Variants in PCDHGA6 observed in about 807,000 individuals in gnomAD.
PCDHGA6 encodes protocadherin gamma subfamily A, 6, also known as protocadherin gamma-A6.
In PCDHGA6, 41 loss-of-function variants were observed where a neutral mutation model predicts 60.6. That is an observed-to-expected ratio of 0.68 (90% CI 0.53 to 0.88). PCDHGA6 has a LOEUF of 0.88. PCDHGA6 is among the 40% of genes least tolerant of loss of function. PCDHGA6 has a pLI of 0.00. For synonymous variants in PCDHGA6, 594 were observed against 524.4 expected (o/e 1.13, Z -1.81); for missense variants, 1,312 against 1,203.0 (o/e 1.09, Z -1.34).
intron 1 of PCDHGA6, chr5:141,413,581 A>T: frequency 1.9e-6 from 3 of 1,613,920 alleles, no homozygotes; most frequent in Non-Finnish European, 2.5e-6. Context: ...CAATGCTCCA[A>T]AATTCCAAGC....
chr5:141,464,053 T>C (rs111614367), intron 1 of PCDHGA6, among the ~76,000 whole-genome samples: 9,857 of 152,054 alleles, frequency 0.065, 668 homozygotes, highest in African/African-American at 0.17. Flanking sequence ...TCACCTGAGG[T>C]CAGGAGTTCA....
intron 1 of PCDHGA6, chr5:141,384,588 G>C: frequency 1.2e-6 from 2 of 1,614,242 alleles, no homozygotes; most frequent in Middle Eastern, 1.6e-4. Context: ...CCGAGATCCT[G>C]TACCCGGCCC....
At chr5:141,392,584 C>T (rs1252723609) in intron 1 of PCDHGA6, 1 of 473,072 alleles carries the variant, frequency 2.1e-6, no homozygotes, top group African/African-American at 2.0e-5. Context: ...CTGTAAGCGC[C>T]GCTGTTCACC....
chr5:141,486,284 C>G lies in PCDHGA6; in HGVS notation c.2425-8523C>G, dbSNP rs1259853159. ...TGCAGAACCTGGCACTGTGGTGGCA[C>G]TTATCAGTGTGCAGGATCCAGACTC... On this transcript the variant is annotated intron_variant, in intron 1 of 3. Transcript: ENST00000517434. This position sits in a 1 kb window ranked among gnomAD's most constrained non-coding sequence, Gnocchi z 5.0. The G allele has an allele frequency of 6.2e-7, 1 of 1,614,050 alleles. No homozygotes were observed. The highest frequency in any genetic ancestry group is 8.5e-7 in the Non-Finnish European group (1 of 1,179,988).
rs148995268 is a variant in PCDHGA6, at chr5:141,486,253, C to T, written c.2425-8554C>T. On this transcript the variant is annotated intron_variant, in intron 1 of 3. Coordinates refer to ENST00000517434, the MANE Select transcript of PCDHGA6 (RefSeq NM_018919.3). The surrounding 1 kb of genome is among the most constrained non-coding windows in gnomAD (Gnocchi z 5.0). The stretch of plus-strand genomic sequence containing the variant: ...TGACCTCAGAGCTTGGAACCCTCCC[C>T]GAGAGTGCAGAACCTGGCACTGTGG... 8 of 1,614,020 alleles carry T rather than the reference C, an allele frequency of 5.0e-6. No individual in the cohort carries two copies. The African/African-American group carries it at 8.0e-5, about 16-fold the overall frequency.
In PCDHGA6 at chr5:141,477,155, G is replaced by A. The variant is rs2099406190; in HGVS notation, c.2425-17652G>A. ...GTTGGTGGAGGTTGTGGATGTGAATGACAACGCCCCGGAGATCACAGTCAC... is the reference window on the plus strand; with the variant it reads ...GTTGGTGGAGGTTGTGGATGTGAATAACAACGCCCCGGAGATCACAGTCAC... On this transcript the variant is annotated intron_variant, in intron 1 of 3. Coordinates refer to ENST00000517434, the MANE Select transcript of PCDHGA6 (RefSeq NM_018919.3). The surrounding 1 kb of genome is among the most constrained non-coding windows in gnomAD (Gnocchi z 4.9). The A allele has an allele frequency of 6.2e-7, 1 of 1,614,190 alleles. No individual in the cohort carries two copies. The highest frequency in any genetic ancestry group is 8.5e-7 in the Non-Finnish European group (1 of 1,180,042).
chr5:141,484,532 G>A (rs1421387882), intron 1 of PCDHGA6, among the ~76,000 whole-genome samples: 1 of 152,182 alleles, frequency 6.6e-6, no homozygotes, highest in Non-Finnish European at 1.5e-5. Context: ...TTGAGTATAT[G>A]GCAGTGGTTC....
Position 141,451,147 on chromosome 5 carries a change from A to G in PCDHGA6, c.2425-43660A>G, listed in dbSNP as rs2098708727. ...CCAGCCTTATGATTGTATTTAGACT[A>G]GACATTTTTTTGGTAGTATATTATT... On this transcript the variant is annotated intron_variant, in intron 1 of 3. Coordinates refer to ENST00000517434, the MANE Select transcript of PCDHGA6 (RefSeq NM_018919.3). Among the ~76,000 whole-genome samples, 3 of 152,250 alleles carry G rather than the reference A, an allele frequency of 2.0e-5. No homozygotes were observed. In the South Asian group the frequency reaches 6.2e-4, roughly 32 times the overall value.
At chr5:141,392,921 A>T in intron 1 of PCDHGA6, 2 of 1,613,940 alleles carry the variant, frequency 1.2e-6, no homozygotes, top group Non-Finnish European at 1.7e-6. Flanking sequence ...ACTCTGTGCC[A>T]GAAGAGACGG....
Position 141,439,149 on chromosome 5 carries a change from C to T in PCDHGA6, c.2425-55658C>T, listed in dbSNP as rs543388568. Reference sequence around the variant, plus strand: ...CAGAGGTTGCAGTGAGCTGAGATCACGCCACTGCACTCCAGCCTGGGCGAC... The same window carrying T: ...CAGAGGTTGCAGTGAGCTGAGATCATGCCACTGCACTCCAGCCTGGGCGAC... On this transcript the variant is annotated intron_variant, in intron 1 of 3. Transcript: ENST00000517434. Among the ~76,000 whole-genome samples, 165 of 150,018 alleles carry T rather than the reference C, an allele frequency of 1.1e-3. 1 individual carries two copies. In the Middle Eastern group the frequency reaches 0.017, roughly 16 times the overall value.
intron 1 of PCDHGA6, among the ~76,000 whole-genome samples, chr5:141,400,980 C>T (rs977355527): frequency 6.6e-6 from 1 of 152,102 alleles, no homozygotes; most frequent in African/African-American, 2.4e-5. Context: ...TCTTATGTTC[C>T]TCATATATGC....
rs2099748976 is a variant in PCDHGA6, at chr5:141,493,566, C to G, written c.2425-1241C>G. Among the ~76,000 whole-genome samples, 1 of 152,168 alleles carries G rather than the reference C, an allele frequency of 6.6e-6. No individual in the cohort carries two copies. Among genetic ancestry groups the G allele is most frequent in the African/African-American group, 2.4e-5 (1 of 41,436 alleles). ...TTTTGGAGATTGAGTTCCCCCAGCT[C>G]CGTTTCCTCCTATCACAATCACTGC... is the stretch of plus-strand genomic sequence containing the variant. On this transcript the variant is annotated intron_variant, in intron 1 of 3. Transcript: ENST00000517434. The surrounding 1 kb of genome is among the most constrained non-coding windows in gnomAD (Gnocchi z 4.3).
chr5:141,451,813 G>A (rs921877961), intron 1 of PCDHGA6, among the ~76,000 whole-genome samples: 13 of 150,788 alleles, frequency 8.6e-5, no homozygotes, highest in East Asian at 2.0e-4. Context: ...CCCAGGAGGC[G>A]GAGGTTACAG....
Position 141,511,207 on chromosome 5 carries a change from T to A in PCDHGA6, c.*34T>A, listed in dbSNP as rs773761839. ...CCAGGCCAAGAGCCACAGGGCGGCC[T>A]CTCCCCAACCAGCCCAGCTTCTCCT... On this transcript the variant is annotated 3_prime_UTR_variant, in exon 4 of 4. Transcript: ENST00000517434. 1 of 1,611,162 alleles carries A rather than the reference T, an allele frequency of 6.2e-7. No individual in the cohort carries two copies. The highest frequency in any genetic ancestry group is 1.1e-5 in the South Asian group (1 of 90,702).
chr5:141,419,765 G>A, intron 1 of PCDHGA6: 1 of 1,614,016 alleles, frequency 6.2e-7, no homozygotes, highest in Non-Finnish European at 8.5e-7. Context: ...GGGTGACAAG[G>A]ACTCGGTCCG....
intron 1 of PCDHGA6, chr5:141,441,387 G>A (rs2098243952): frequency 6.5e-6 from 1 of 153,712 alleles, no homozygotes; most frequent in Non-Finnish European, 1.5e-5. Flanking sequence ...CAGACCCAAG[G>A]TATAACATCA....
intron 1 of PCDHGA6, chr5:141,410,428 C>A (rs376561050): frequency 5.0e-6 from 8 of 1,613,906 alleles, no homozygotes; most frequent in African/African-American, 1.3e-5. Flanking sequence ...TTCCCCCCAA[C>A]TACAGTGAGG....
chr5:141,499,479 C>T (rs1019775735), intron 2 of PCDHGA6, among the ~76,000 whole-genome samples: 1 of 152,146 alleles, frequency 6.6e-6, no homozygotes. Context: ...AGAACCACCA[C>T]CAACTACAGT....
chr5:141,503,665 C>A (rs1210514896), intron 2 of PCDHGA6, among the ~76,000 whole-genome samples: 2 of 151,792 alleles, frequency 1.3e-5, no homozygotes, highest in African/African-American at 4.8e-5. Flanking sequence ...AATTACAACT[C>A]TTCCCACTTT....
Sources: gnomAD v4.1 joint callset for allele counts (sites outside exome capture counted in the v4.1 genomes callset) on GRCh38, gnomAD v4.1.1 for gene constraint, Gnocchi (gnomAD v3.1) non-coding constraint, MANE v1.5 for transcripts, NCBI Gene and HGNC (gene_info 2026-07-23, HGNC 2026-07-21) for gene names.